FOXP1: variants seen among roughly 807,000 people sequenced by gnomAD.
FOXP1 encodes the protein forkhead box P1, also known as forkhead box protein P1.
A neutral mutation model predicts 98.2 loss-of-function variants in FOXP1; 15 were observed. The ratio of observed to expected loss-of-function variants is 0.15; its 90% CI spans 0.10 to 0.24. FOXP1 has a LOEUF of 0.24. Ranked by LOEUF, FOXP1 falls within the 10% of genes least tolerant of loss-of-function variation. The pLI is 1.00. For missense variants in FOXP1, 633 were observed against 848.5 expected (o/e 0.75, Z 3.15); for synonymous variants, 371 against 314.5 (o/e 1.18, Z -1.90).
intron 11 of FOXP1, among the ~76,000 whole-genome samples, chr3:71,021,867 G>A (rs2045490143): frequency 6.6e-6 from 1 of 152,080 alleles, no homozygotes; most frequent in Non-Finnish European, 1.5e-5. Flanking sequence ...TTTTAATTGG[G>A]CTGTTTTTTG....
intron 7 of FOXP1, among the ~76,000 whole-genome samples, chr3:71,064,595 A>T (rs911141829): frequency 2.6e-5 from 4 of 151,592 alleles, no homozygotes; most frequent in African/African-American, 9.8e-5. Flanking sequence ...CAGGACCCAC[A>T]GGCCTGCAGC....
In FOXP1 at chr3:70,958,454, TGTCTGA is replaced by T. The variant is rs1559556476; in HGVS notation, c.*787_*792del. ...TTCTGACTTTAGAGAAACGTGGTGA[TGTCTGA>T]AGGAAGATGGAATGAGTGACAGAAA... On this transcript the variant is annotated 3_prime_UTR_variant, in exon 21 of 21. Coordinates refer to ENST00000649528, the MANE Select transcript of FOXP1 (RefSeq NM_001349338.3). 2 of 408,942 alleles carry T rather than the reference TGTCTGA, an allele frequency of 4.9e-6. No individual in the cohort carries two copies. The highest frequency in any genetic ancestry group is 9.4e-6 in the Non-Finnish European group (2 of 211,992). The allele number at this position is 408,942 out of a possible 1,614,324, so 25.3% of individuals were successfully genotyped here.
At chr3:71,266,056 C>T (rs972868679) in intron 5 of FOXP1, among the ~76,000 whole-genome samples, 6 of 152,072 alleles carry the variant, frequency 3.9e-5, no homozygotes, top group Admixed American at 2.0e-4. Flanking sequence ...CAAGTTTTAC[C>T]ACTAAGGAAG....
intron 3 of FOXP1, among the ~76,000 whole-genome samples, chr3:71,418,531 T>C (rs2083389330): frequency 6.6e-6 from 1 of 152,234 alleles, no homozygotes; most frequent in African/African-American, 2.4e-5. Flanking sequence ...ATGCTGGTTC[T>C]TTTTTCTATA....
At chr3:71,392,562 C>CTTTTTT (rs2108131922) in intron 3 of FOXP1, among the ~76,000 whole-genome samples, 1 of 152,272 alleles carries the variant, frequency 6.6e-6, no homozygotes, top group African/African-American at 2.4e-5. Context: ...GGTAACTAAA[C>CTTTTTT]TATGATTAAA....
Position 71,180,600 on chromosome 3 carries a change from G to GTATT in FOXP1, c.180+17598_180+17601dup, listed in dbSNP as rs1206417055. Among the ~76,000 whole-genome samples, 6 of 152,256 alleles carry GTATT rather than the reference G, an allele frequency of 3.9e-5. No homozygotes were observed. In the South Asian group the frequency reaches 6.2e-4, roughly 16 times the overall value. On this transcript the variant is annotated intron_variant, in intron 6 of 20. Coordinates refer to ENST00000649528, the MANE Select transcript of FOXP1 (RefSeq NM_001349338.3). ...TGGTAGATTTTTTTCTCCCTTGCCT[G>GTATT]TATTTGATTTCCAATTAAAATTAAA...
At chr3:71,056,164 C>T (rs1036362725) in intron 7 of FOXP1, among the ~76,000 whole-genome samples, 20 of 152,140 alleles carry the variant, frequency 1.3e-4, no homozygotes, top group African/African-American at 4.6e-4. Flanking sequence ...TTTGAGCGCA[C>T]GTAAATCATC....
intron 3 of FOXP1, among the ~76,000 whole-genome samples, chr3:71,397,418 T>C (rs566413058): frequency 3.3e-5 from 5 of 152,270 alleles, no homozygotes; most frequent in Middle Eastern, 3.4e-3. Context: ...CCAAGTGATA[T>C]CCTGAATGTA....
intron 7 of FOXP1, among the ~76,000 whole-genome samples, chr3:71,071,705 C>G (rs956889869): frequency 6.6e-6 from 1 of 152,174 alleles, no homozygotes; most frequent in African/African-American, 2.4e-5. Context: ...TCCCAAATAG[C>G]TGGGATTACA....
At chr3:71,476,657 A>ATTT (rs55733297) in intron 3 of FOXP1, among the ~76,000 whole-genome samples, 1 of 134,480 alleles carries the variant, frequency 7.4e-6, no homozygotes, top group African/African-American at 2.7e-5. Flanking sequence ...TGCCCAGCTA[A>ATTT]TTTTTTTTTT....
At chr3:71,413,288 A>ACACACACACACC (rs1261716854) in intron 3 of FOXP1, among the ~76,000 whole-genome samples, 15 of 144,466 alleles carry the variant, frequency 1.0e-4, no homozygotes, top group African/African-American at 7.8e-5. Flanking sequence ...ACACACACAC[A>ACACACACACACC]CACCCAAAAC....
intron 5 of FOXP1, among the ~76,000 whole-genome samples, chr3:71,284,955 A>G (rs533762787): frequency 1.4e-3 from 206 of 152,206 alleles, no homozygotes; most frequent in Non-Finnish European, 2.7e-3. Context: ...AGATGGTTTT[A>G]TATTTATAAT....
chr3:71,571,062 C>G (rs1352685752), intron 2 of FOXP1: 1 of 152,184 alleles, frequency 6.6e-6, no homozygotes, highest in Non-Finnish European at 1.5e-5. Flanking sequence ...TTTATTTTCT[C>G]TCTTGTCACC....
At chr3:71,494,329 T>C (rs2091264151) in intron 2 of FOXP1, among the ~76,000 whole-genome samples, 1 of 152,240 alleles carries the variant, frequency 6.6e-6, no homozygotes, top group Non-Finnish European at 1.5e-5. Context: ...GCATATTTCT[T>C]CTAAATACTT....
At chr3:71,410,823 A>G (rs918542797) in intron 3 of FOXP1, among the ~76,000 whole-genome samples, 1 of 152,182 alleles carries the variant, frequency 6.6e-6, no homozygotes. Flanking sequence ...AAAGCAATAA[A>G]TGTCTTTTTC....
At chr3:71,490,839 T>C (rs1472142458) in intron 3 of FOXP1, among the ~76,000 whole-genome samples, 2 of 152,180 alleles carry the variant, frequency 1.3e-5, no homozygotes, top group Non-Finnish European at 2.9e-5. Flanking sequence ...AATAGTGAGA[T>C]TGAGTCAGAC....
intron 5 of FOXP1, chr3:71,276,289 A>G (rs1192731939): frequency 6.6e-6 from 1 of 152,196 alleles, no homozygotes; most frequent in Admixed American, 6.5e-5. Flanking sequence ...CGTTCTGAGT[A>G]CAAGGTTCAA....
intron 7 of FOXP1, among the ~76,000 whole-genome samples, chr3:71,064,258 G>C (rs540329955): frequency 6.6e-6 from 1 of 152,288 alleles, no homozygotes; most frequent in East Asian, 1.9e-4. Context: ...AGCCTAGACA[G>C]ATATAGAAAC....
At chr3:71,060,155 G>A (rs991427687) in intron 7 of FOXP1, among the ~76,000 whole-genome samples, 1 of 152,052 alleles carries the variant, frequency 6.6e-6, no homozygotes, top group Non-Finnish European at 1.5e-5. Context: ...AAAGGGAGAA[G>A]GGACTATAAT....
Sources: gnomAD v4.1 joint callset for allele counts (sites outside exome capture counted in the v4.1 genomes callset) on GRCh38, gnomAD v4.1.1 for gene constraint, MANE v1.5 for transcripts, NCBI Gene and HGNC (gene_info 2026-07-23, HGNC 2026-07-21) for gene names.